The following FLYWCH1 variants were observed in gnomAD, a reference collection of about 807,000 sequenced individuals.
FLYWCH1 encodes the protein FLYWCH-type zinc finger 1, also known as FLYWCH-type zinc finger-containing protein 1.
Under a neutral mutation model 66.4 loss-of-function variants are expected in FLYWCH1, and 75 were observed. The ratio of observed to expected loss-of-function variants is 1.13; its 90% CI spans 0.94 to 1.37. The LOEUF (loss-of-function observed/expected upper bound fraction) is 1.37. FLYWCH1 is among the 40% of genes most tolerant of loss of function. FLYWCH1 has a pLI of 0.00. For synonymous variants in FLYWCH1, 595 were observed against 429.9 expected (o/e 1.38, Z -4.75); for missense variants, 1,334 against 1,001.8 (o/e 1.33, Z -4.48).
intron 2 of FLYWCH1, chr16:2,915,281 G>C (rs1216236002): frequency 6.6e-6 from 1 of 151,986 alleles, no homozygotes; most frequent in Non-Finnish European, 1.5e-5. Context: ...TGGGATTACA[G>C]GCATGCACCA....
At chr16:2,912,580 C>T (rs2070027465) in intron 1 of FLYWCH1, among the ~76,000 whole-genome samples, 1 of 152,190 alleles carries the variant, frequency 6.6e-6, no homozygotes. Context: ...TTTGTTGACC[C>T]ACAGCCGACA....
rs1409504875 is a variant in FLYWCH1, at chr16:2,950,446, C to T, written c.*1719C>T. 1 of 152,426 alleles carries T rather than the reference C, an allele frequency of 6.6e-6. No individual in the cohort carries two copies. Among genetic ancestry groups the T allele is most frequent in the Non-Finnish European group, 1.5e-5 (1 of 68,160 alleles). The allele number at this position is 152,426 out of a possible 1,614,324, so 9.4% of individuals were successfully genotyped here. A position where few individuals can be genotyped will look rare whatever the true frequency, so the allele number is the denominator to read the frequency against. ...GTTCATGCCGCCACCAGCTGGACCT[C>T]TGATCAGGCCCCCTGCAGAAGGGGA... On this transcript the variant is annotated 3_prime_UTR_variant, in exon 10 of 10. Coordinates refer to ENST00000253928, the MANE Select transcript of FLYWCH1 (RefSeq NM_001308068.2).
chr16:2,937,532 C>T (rs771610815), intron 7 of FLYWCH1, 148 bp downstream of exon 7: 9 of 976,630 alleles, frequency 9.2e-6, no homozygotes, highest in Non-Finnish European at 1.3e-5. Flanking sequence ...CAGGAGGCTC[C>T]ATCTGCGGGC....
chr16:2,919,270 CT>C (rs1243181807), intron 2 of FLYWCH1, among the ~76,000 whole-genome samples: 286 of 136,550 alleles, frequency 2.1e-3, no homozygotes, highest in East Asian at 0.013. Flanking sequence ...TTTTTTGTTT[CT>C]TTTTTTTTTT....
intron 6 of FLYWCH1, chr16:2,936,391 T>C (rs2071001243): frequency 2.2e-6 from 1 of 456,558 alleles, no homozygotes; most frequent in Non-Finnish European, 4.4e-6. Flanking sequence ...CTGCTCCACA[T>C]GGCCCCTGCC....
intron 9 of FLYWCH1, among the ~76,000 whole-genome samples, chr16:2,941,444 T>C (rs150134882): frequency 3.3e-4 from 51 of 152,248 alleles, no homozygotes; most frequent in Admixed American, 7.9e-4. Flanking sequence ...TGGTGAGACC[T>C]CGTCTCTGCC....
At chr16:2,943,119 C>A (rs1318748054) in intron 9 of FLYWCH1, among the ~76,000 whole-genome samples, 1 of 152,114 alleles carries the variant, frequency 6.6e-6, no homozygotes, top group Non-Finnish European at 1.5e-5. Flanking sequence ...ACTTGCTTTT[C>A]TTCTGAGCCT....
chr16:2,935,346 G>C (rs1416869080), intron 6 of FLYWCH1: 1 of 152,498 alleles, frequency 6.6e-6, no homozygotes, highest in Admixed American at 6.5e-5. Flanking sequence ...TTGTTTGCCT[G>C]CTTTTGTGTG....
At chr16:2,920,876 C>G (rs1310935156) in intron 2 of FLYWCH1, among the ~76,000 whole-genome samples, 1 of 110,600 alleles carries the variant, frequency 9.0e-6, no homozygotes, top group African/African-American at 3.5e-5. Flanking sequence ...CAGTCTCACT[C>G]TGTCGCCCAG....
At chr16:2,932,240 C>T (rs930378117) in intron 4 of FLYWCH1, among the ~76,000 whole-genome samples, 2 of 144,076 alleles carry the variant, frequency 1.4e-5, no homozygotes, top group Non-Finnish European at 1.5e-5. Context: ...CATTGTACTC[C>T]AGCCTGGGCG....
intron 6 of FLYWCH1, chr16:2,934,742 CAGAGAGACAG>C (rs2070926807): frequency 2.2e-6 from 1 of 449,836 alleles, no homozygotes. Context: ...GTTCCATCTC[CAGAGAGACAG>C]TGCTGCGAGG....
intron 6 of FLYWCH1, among the ~76,000 whole-genome samples, chr16:2,934,455 G>A (rs1431389638): frequency 6.6e-6 from 1 of 152,186 alleles, no homozygotes; most frequent in Non-Finnish European, 1.5e-5. Context: ...CCCGAGGAGG[G>A]TCCCGGCTGT....
rs543107418 is a variant in FLYWCH1, at chr16:2,944,836, A to T, written c.2112-3852A>T. 9.6e-4 allele frequency among the ~76,000 whole-genome samples: 137 copies of T among 142,736 alleles called. 1 individual carries two copies. In the Middle Eastern group the frequency reaches 0.017, roughly 18 times the overall value. The allele number at this position is 142,736 out of a possible 152,430, so 93.6% of individuals were successfully genotyped here. On this transcript the variant is annotated intron_variant, in intron 9 of 9. Transcript: ENST00000253928. ...GACTCTGTATCAAAAAAAAAAAAAA[A>T]TTTTTTTTAACTGTAAAACGGCCTC... is the stretch of plus-strand genomic sequence containing the variant.
chr16:2,935,463 G>T (rs1454007466), intron 6 of FLYWCH1: 1 of 152,228 alleles, frequency 6.6e-6, no homozygotes, highest in Non-Finnish European at 1.5e-5. Flanking sequence ...GTCCCTCGGG[G>T]TTCACTGTGC....
intron 9 of FLYWCH1, among the ~76,000 whole-genome samples, chr16:2,944,855 C>T (rs904114340): frequency 1.5e-4 from 23 of 151,330 alleles, no homozygotes; most frequent in African/African-American, 4.9e-4. Flanking sequence ...AACTGTAAAA[C>T]GGCCTCAGGC....
intron 2 of FLYWCH1, among the ~76,000 whole-genome samples, chr16:2,919,071 G>T (rs2070275945): frequency 6.6e-6 from 1 of 151,688 alleles, no homozygotes; most frequent in African/African-American, 2.4e-5. Flanking sequence ...AAGTAGCTGG[G>T]ATTACAGGTG....
At chr16:2,938,834 G>C (rs929171591) in intron 8 of FLYWCH1, among the ~76,000 whole-genome samples, 4 of 151,556 alleles carry the variant, frequency 2.6e-5, no homozygotes, top group African/African-American at 7.3e-5. Context: ...GGATGGTCTT[G>C]ATCTTCTGAC....
chr16:2,934,506 G>T, intron 6 of FLYWCH1: 1 of 388,190 alleles, frequency 2.6e-6, no homozygotes, highest in Admixed American at 3.1e-5. Flanking sequence ...GCAGTGCCTG[G>T]TGTTTTGACT....
At chr16:2,944,744 C>T (rs1031139973) in intron 9 of FLYWCH1, among the ~76,000 whole-genome samples, 2 of 150,042 alleles carry the variant, frequency 1.3e-5, no homozygotes, top group Admixed American at 1.3e-4. Flanking sequence ...AATCGCTTAA[C>T]CTGGGAGGTG....
Sources: allele counts gnomAD v4.1 joint callset (sites outside exome capture counted in the v4.1 genomes callset), GRCh38; gene constraint gnomAD v4.1.1; transcripts MANE v1.5; gene names NCBI Gene and HGNC (gene_info 2026-07-23, HGNC 2026-07-21).